The following NWD2 variants were observed in gnomAD, a reference collection of about 807,000 sequenced individuals.
NWD2 encodes the protein NACHT and WD repeat domain-containing protein 2.
In NWD2, 37 loss-of-function variants were observed where a neutral mutation model predicts 132.7. That is an observed-to-expected ratio of 0.28 (90% CI 0.21 to 0.37). The LOEUF is 0.37. Among genes scored for constraint, NWD2 ranks in the 10% least tolerant of loss-of-function variants. The pLI is 1.00. For synonymous variants in NWD2, 705 were observed against 803.0 expected (o/e 0.88, Z 2.06); for missense variants, 1,592 against 2,122.4 (o/e 0.75, Z 4.91).
At chr4:37,342,130 C>T (rs574025861) in intron 2 of NWD2, among the ~76,000 whole-genome samples, 1 of 152,262 alleles carries the variant, frequency 6.6e-6, no homozygotes, top group South Asian at 2.1e-4. Context: ...GGGATGGGGC[C>T]TGGTGGGAGG....
chr4:37,385,328 C>T (rs1480933894), intron 3 of NWD2, among the ~76,000 whole-genome samples: 1 of 152,126 alleles, frequency 6.6e-6, no homozygotes. Flanking sequence ...CAGGTGACAA[C>T]TTAAAAAATC....
At chr4:37,363,950 C>G (rs894697409) in intron 3 of NWD2, among the ~76,000 whole-genome samples, 14 of 142,938 alleles carry the variant, frequency 9.8e-5, no homozygotes, top group Middle Eastern at 3.5e-3. Context: ...GGTGAAACCC[C>G]CTTTTCTACT....
At chr4:37,305,239 C>T (rs530324317) in intron 1 of NWD2, among the ~76,000 whole-genome samples, 6 of 152,272 alleles carry the variant, frequency 3.9e-5, no homozygotes, top group East Asian at 1.9e-4. Flanking sequence ...TTTCAGGCCA[C>T]GAAACTATTT....
chr4:37,427,208 C>T (rs1324390339), intron 3 of NWD2, among the ~76,000 whole-genome samples: 1 of 152,154 alleles, frequency 6.6e-6, no homozygotes, highest in African/African-American at 2.4e-5. Context: ...TAGACATTCT[C>T]TTATTCCCTA....
chr4:37,318,398 G>A (rs554123169), intron 1 of NWD2, among the ~76,000 whole-genome samples: 3 of 151,990 alleles, frequency 2.0e-5, no homozygotes, highest in African/African-American at 7.2e-5. Flanking sequence ...AGTCTACAGT[G>A]GATACAAACA....
At chr4:37,302,862 G>A (rs555446083) in intron 1 of NWD2, among the ~76,000 whole-genome samples, 2 of 152,184 alleles carry the variant, frequency 1.3e-5, no homozygotes, top group South Asian at 4.1e-4. Flanking sequence ...TTAATCTCTT[G>A]TTGGATGAAT....
At chr4:37,347,083 A>C (rs1192703951) in intron 2 of NWD2, among the ~76,000 whole-genome samples, 8 of 151,968 alleles carry the variant, frequency 5.3e-5, no homozygotes, top group Non-Finnish European at 1.0e-4. Flanking sequence ...CTCATTGACT[A>C]TTTAGGAGTA....
In NWD2 at chr4:37,359,600, A is replaced by G. The variant is rs568349584; in HGVS notation, c.357+3118A>G. Reference sequence around the variant, plus strand: ...CAAGGAAATTCACCACTGCTGAATGAAAAAAAAAAAAGTTTTTATATCTTC... The same window carrying G: ...CAAGGAAATTCACCACTGCTGAATGGAAAAAAAAAAAGTTTTTATATCTTC... On this transcript the variant is annotated intron_variant, in intron 3 of 6. Transcript: ENST00000309447. 7.8e-4 allele frequency among the ~76,000 whole-genome samples: 58 copies of G among 74,448 alleles called. No homozygotes were observed. The East Asian group carries it at 0.013, about 17-fold the overall frequency. The allele number at this position is 74,448 out of a possible 152,430, so 48.8% of individuals were successfully genotyped here.
chr4:37,270,003 G>A (rs1210723281), intron 1 of NWD2, among the ~76,000 whole-genome samples: 1 of 151,722 alleles, frequency 6.6e-6, no homozygotes, highest in Non-Finnish European at 1.5e-5. Context: ...ATTTGGTGTT[G>A]TTGGTCTTCT....
chr4:37,301,905 T>C (rs1186554508), intron 1 of NWD2, among the ~76,000 whole-genome samples: 2 of 94,558 alleles, frequency 2.1e-5, no homozygotes, highest in Non-Finnish European at 6.2e-5. Flanking sequence ...TGTTAGAAAG[T>C]ACATTGTTAG....
intron 1 of NWD2, 74 bp from the exon 2 acceptor site, chr4:37,325,862 T>G (rs1291639471): frequency 9.7e-6 from 8 of 824,340 alleles, no homozygotes; most frequent in Non-Finnish European, 1.6e-5. Context: ...TATTTATTTT[T>G]AGGTTTTCAT....
intron 3 of NWD2, among the ~76,000 whole-genome samples, chr4:37,419,695 T>C (rs1342471326): frequency 1.3e-5 from 2 of 152,212 alleles, no homozygotes; most frequent in Non-Finnish European, 2.9e-5. Context: ...ATTTCTCTGT[T>C]TTTTAGTTTC....
At chr4:37,400,935 T>C (rs1462953563) in intron 3 of NWD2, among the ~76,000 whole-genome samples, 1 of 152,168 alleles carries the variant, frequency 6.6e-6, no homozygotes, top group Non-Finnish European at 1.5e-5. Context: ...ATCCAAACCA[T>C]AGCACTTGGA....
At chr4:37,272,330 C>G (rs1039931433) in intron 1 of NWD2, among the ~76,000 whole-genome samples, 1 of 151,486 alleles carries the variant, frequency 6.6e-6, no homozygotes, top group African/African-American at 2.4e-5. Context: ...GTGTTCCTAC[C>G]ACCTCTATTT....
At chr4:37,427,528 G>A (rs1439922573) in intron 3 of NWD2, among the ~76,000 whole-genome samples, 1 of 152,178 alleles carries the variant, frequency 6.6e-6, no homozygotes, top group Non-Finnish European at 1.5e-5. Context: ...TAAAATAGAA[G>A]TGCTCTTAAT....
chr4:37,390,051 A>G (rs1166701020), intron 3 of NWD2, among the ~76,000 whole-genome samples: 1 of 152,160 alleles, frequency 6.6e-6, no homozygotes, highest in African/African-American at 2.4e-5. Flanking sequence ...CAGCCTCCCA[A>G]GGTGCTGGGA....
At chr4:37,336,972 C>G (rs758359936) in intron 2 of NWD2, among the ~76,000 whole-genome samples, 1 of 84,990 alleles carries the variant, frequency 1.2e-5, no homozygotes, top group Non-Finnish European at 2.7e-5. Context: ...AAAAAAAAAA[C>G]AAGAAATTGT....
intron 1 of NWD2, among the ~76,000 whole-genome samples, chr4:37,302,108 C>A (rs1010252170): frequency 2.0e-5 from 3 of 151,616 alleles, no homozygotes; most frequent in Non-Finnish European, 4.4e-5. Flanking sequence ...TCTCTTTATT[C>A]CCTTACCATC....
At chr4:37,320,544 T>C (rs1719047634) in intron 1 of NWD2, among the ~76,000 whole-genome samples, 1 of 141,334 alleles carries the variant, frequency 7.1e-6, no homozygotes, top group South Asian at 2.3e-4. Flanking sequence ...AAAGTGTTTA[T>C]GACATAAAAT....
Sources: allele counts gnomAD v4.1 joint callset (sites outside exome capture counted in the v4.1 genomes callset), GRCh38; gene constraint gnomAD v4.1.1; transcripts MANE v1.5; gene names NCBI Gene and HGNC (gene_info 2026-07-23, HGNC 2026-07-21).